The following CELSR3 variants were observed in gnomAD, a reference collection of about 807,000 sequenced individuals.
CELSR3 encodes the protein cadherin EGF LAG seven-pass G-type receptor 3, also known as EGF-like protein 1.
Under a neutral mutation model 270.0 loss-of-function variants are expected in CELSR3, and 73 were observed. The observed-to-expected ratio is 0.27, with a 90% CI of 0.22 to 0.33. The LOEUF is 0.33. Ranked by LOEUF, CELSR3 falls within the 10% of genes least tolerant of loss-of-function variation. CELSR3 has a pLI of 1.00. For synonymous variants in CELSR3, 1,780 were observed against 1,905.4 expected (o/e 0.93, Z 1.71); for missense variants, 3,614 against 4,533.8 (o/e 0.80, Z 5.83).
chr3:48,654,075 T>C lies in CELSR3; in HGVS notation c.5153-72A>G, dbSNP rs1019756534. The stretch of plus-strand genomic sequence containing the variant: ...GCACAAGTGCTGGACAGGACTTTAG[T>C]GTCCAGAGGGGCTGAAAGAGACCAA... On this transcript the variant is annotated intron_variant, in intron 7 of 34. Coordinates refer to ENST00000164024, the MANE Select transcript of CELSR3 (RefSeq NM_001407.3). The surrounding 1 kb of genome is among the most constrained non-coding windows in gnomAD (Gnocchi z 5.4). The C allele has an allele frequency of 6.3e-7, 1 of 1,578,268 alleles. No homozygotes were observed. The highest frequency in any genetic ancestry group is 1.4e-5 in the African/African-American group (1 of 73,840).
rs753528429 is a variant in CELSR3, at chr3:48,660,537, C to G, written c.2098G>C (p.Val700Leu). Residue 700 changes from valine to leucine, a missense_variant, in exon 1 of 35, where the codon GTG becomes CTG. Val to Leu is a conservative substitution (Grantham distance 32). Transcript: ENST00000164024. This position sits in a 1 kb window ranked among gnomAD's most constrained non-coding sequence, Gnocchi z 5.5. ...ACCCAGCCAGTGGCGCTGTTTATCA[C>G]AAAAGGAGTATCAGGTGCCACACCA... ...LTGVAPDTPF[V>L]INSATGWVSV... is the part of the protein sequence containing the mutation. The G allele has an allele frequency of 5.0e-6, 8 of 1,614,074 alleles. No individual in the cohort carries two copies. The Admixed American group carries it at 1.3e-4, about 27-fold the overall frequency.
At position 48,653,356 on chromosome 3, in the gene CELSR3, G is replaced by A. The variant is rs569658509; in HGVS notation, c.5449-169C>T. The stretch of plus-strand genomic sequence containing the variant: ...CAGGGGACATCATGTTGCTGATATG[G>A]GGTCAGGGGGCAGAGGATAGGACCA... On this transcript the variant is annotated intron_variant, in intron 9 of 34. Coordinates refer to ENST00000164024, the MANE Select transcript of CELSR3 (RefSeq NM_001407.3). The surrounding 1 kb of genome is among the most constrained non-coding windows in gnomAD (Gnocchi z 6.5). 5.9e-5 allele frequency among the ~76,000 whole-genome samples: 9 copies of A among 152,286 alleles called. No homozygotes were observed. In the East Asian group the frequency reaches 1.7e-3, roughly 29 times the overall value.
At position 48,653,586 on chromosome 3, in the gene CELSR3, C is replaced by CT; in HGVS notation, c.5448+32dup. On this transcript the variant is annotated intron_variant, in intron 9 of 34. Transcript: ENST00000164024. This position sits in a 1 kb window ranked among gnomAD's most constrained non-coding sequence, Gnocchi z 6.5. ...CAGTGGCGGCCTAAGAGACTGAGAA[C>CT]TGAGGGTATAGGGGTGAGCAGGGTG... 1 of 1,599,072 alleles carries CT rather than the reference C, an allele frequency of 6.3e-7. No individual in the cohort carries two copies. The highest frequency in any genetic ancestry group is 8.6e-7 in the Non-Finnish European group (1 of 1,169,136).
Position 48,645,605 on chromosome 3 carries a change from C to T in CELSR3, c.7635G>A (p.Val2545=), listed in dbSNP as rs1013302266. 1 of 1,611,978 alleles carries T rather than the reference C, an allele frequency of 6.2e-7. No homozygotes were observed. The highest frequency in any genetic ancestry group is 2.2e-5 in the East Asian group (1 of 44,864). Residue 2545 remains valine, a synonymous_variant, in exon 24 of 35, where the codon GTG becomes GTA. Coordinates refer to ENST00000164024, the MANE Select transcript of CELSR3 (RefSeq NM_001407.3). This position sits in a 1 kb window ranked among gnomAD's most constrained non-coding sequence, Gnocchi z 5.4. The part of the protein sequence containing the change: ...DLELLAVFTH[V]VVAVSVAALV... Reference sequence around the variant, plus strand: ...GCGCAGCCACAGACACAGCCACGACCACGTGGGTGAACACAGCCAGCAGCT... The same window carrying T: ...GCGCAGCCACAGACACAGCCACGACTACGTGGGTGAACACAGCCAGCAGCT...
rs1200187637 is a variant in CELSR3, at chr3:48,653,255, G to A, written c.5449-68C>T. On this transcript the variant is annotated intron_variant, in intron 9 of 34. Transcript: ENST00000164024. This position sits in a 1 kb window ranked among gnomAD's most constrained non-coding sequence, Gnocchi z 6.5. ...GGGCTGGGACTTGGAGGTGAGATCA[G>A]AGGGCTCAGAGGTCAGGAATATCAG... 1 of 1,413,982 alleles carries A rather than the reference G, an allele frequency of 7.1e-7. No homozygotes were observed. Among genetic ancestry groups the A allele is most frequent in the Non-Finnish European group, 9.8e-7 (1 of 1,016,342 alleles). 87.6% of individuals were successfully genotyped at this position (1,413,982 alleles called of 1,614,324 possible). A position where few individuals can be genotyped will look rare whatever the true frequency, so the allele number is the denominator to read the frequency against.
At position 48,644,196 on chromosome 3, in the gene CELSR3, C is replaced by T. The variant is rs761542012; in HGVS notation, c.8165+20G>A. On this transcript the variant is annotated intron_variant, in intron 27 of 34. Transcript: ENST00000164024. This position sits in a 1 kb window ranked among gnomAD's most constrained non-coding sequence, Gnocchi z 4.8. ...ACCTGCCATCCTGAGAAGCCCCCTT[C>T]CTCCAGCCAGCCAACTCACAGTGCA... is the stretch of plus-strand genomic sequence containing the variant. The T allele has an allele frequency of 1.3e-6, 2 of 1,597,732 alleles. No homozygotes were observed. The highest frequency in any genetic ancestry group is 4.5e-5 in the East Asian group (2 of 44,440).
At position 48,636,843 on chromosome 3, in the gene CELSR3, C is replaced by T. The variant is rs1245552164; in HGVS notation, c.*1362G>A. 1 of 152,220 alleles carries T rather than the reference C, an allele frequency of 6.6e-6. No individual in the cohort carries two copies. The highest frequency in any genetic ancestry group is 1.5e-5 in the Non-Finnish European group (1 of 68,060). The allele number at this position is 152,220 out of a possible 1,614,324, so 9.4% of individuals were successfully genotyped here. A position where few individuals can be genotyped will look rare whatever the true frequency, so the allele number is the denominator to read the frequency against. On this transcript the variant is annotated 3_prime_UTR_variant, in exon 35 of 35. Transcript: ENST00000164024. Reference sequence around the variant, plus strand: ...GTTAGAGGACGCCTACTCTCAAGGTCTTCTGGATCTGCTGTTAAACGGGAC... The same window carrying T: ...GTTAGAGGACGCCTACTCTCAAGGTTTTCTGGATCTGCTGTTAAACGGGAC...
At position 48,652,974 on chromosome 3, in the gene CELSR3, C is replaced by G; in HGVS notation, c.5634+28G>C. Reference sequence around the variant, plus strand: ...GCGGATCTGGTTGGAAGGCTGAGAACAGACTACCCCGGGGTCAGAGGCCAG... The same window carrying G: ...GCGGATCTGGTTGGAAGGCTGAGAAGAGACTACCCCGGGGTCAGAGGCCAG... On this transcript the variant is annotated intron_variant, in intron 10 of 34. Transcript: ENST00000164024. This position sits in a 1 kb window ranked among gnomAD's most constrained non-coding sequence, Gnocchi z 4.3. 6.2e-7 allele frequency: 1 copy of G among 1,602,894 alleles called. No individual in the cohort carries two copies. Among genetic ancestry groups the G allele is most frequent in the Non-Finnish European group, 8.5e-7 (1 of 1,172,278 alleles).
Position 48,655,239 on chromosome 3 carries a change from T to C in CELSR3, c.4831-38A>G. 1 of 1,613,894 alleles carries C rather than the reference T, an allele frequency of 6.2e-7. No individual in the cohort carries two copies. Among genetic ancestry groups the C allele is most frequent in the Non-Finnish European group, 8.5e-7 (1 of 1,179,892 alleles). On this transcript the variant is annotated intron_variant, in intron 5 of 34. Transcript: ENST00000164024. This position sits in a 1 kb window ranked among gnomAD's most constrained non-coding sequence, Gnocchi z 5.8. ...GCACACCAGTCAACAGTGCCCCCAG[T>C]AACCCCTGAGGAGCAGAAGTCAGCA...
Position 48,658,745 on chromosome 3 carries a change from A to G in CELSR3, c.3748+142T>C. On this transcript the variant is annotated intron_variant, in intron 1 of 34. Coordinates refer to ENST00000164024, the MANE Select transcript of CELSR3 (RefSeq NM_001407.3). The surrounding 1 kb of genome is among the most constrained non-coding windows in gnomAD (Gnocchi z 4.7). ...AGAGTCCTTGTGAGGTCTGTGGCAGATCTTGTAGGGTGCAGGAACCCTACC... is the reference window on the plus strand; with the variant it reads ...AGAGTCCTTGTGAGGTCTGTGGCAGGTCTTGTAGGGTGCAGGAACCCTACC... 1 of 943,456 alleles carries G rather than the reference A, an allele frequency of 1.1e-6. No individual in the cohort carries two copies. The highest frequency in any genetic ancestry group is 1.7e-5 in the African/African-American group (1 of 60,304). The allele number at this position is 943,456 out of a possible 1,614,324, so 58.4% of individuals were successfully genotyped here. A position where few individuals can be genotyped will look rare whatever the true frequency, so the allele number is the denominator to read the frequency against.
rs755642136 is a variant in CELSR3, at chr3:48,640,144, C to A, written c.9441G>T (p.Gly3147=). The A allele has an allele frequency of 6.2e-7, 1 of 1,612,474 alleles. No individual in the cohort carries two copies. Among genetic ancestry groups the A allele is most frequent in the Non-Finnish European group, 8.5e-7 (1 of 1,179,922 alleles). Residue 3147 remains glycine (G), a synonymous_variant, in exon 34 of 35, where the codon GGG becomes GGT. Coordinates refer to ENST00000164024, the MANE Select transcript of CELSR3 (RefSeq NM_001407.3). The surrounding 1 kb of genome is among the most constrained non-coding windows in gnomAD (Gnocchi z 7.5). The part of the protein sequence containing the change: ...RFGSRDALDL[G]APREWLSTLP... ...GCGTGCTCAACCACTCTCGAGGTGC[C>A]CCTAAGTCGAGCGCATCCCGTGACC... is the stretch of plus-strand genomic sequence containing the variant.
rs2106706995 is a variant in CELSR3 at position 48,647,880 on chromosome 3, G to A, written c.7090C>T (p.Leu2364=). 2 of 1,611,534 alleles carry A rather than the reference G, an allele frequency of 1.2e-6. No individual in the cohort carries two copies. The highest frequency in any genetic ancestry group is 2.2e-5 in the East Asian group (1 of 44,840). Residue 2364 remains leucine (L), a synonymous_variant, in exon 20 of 35, where the codon CTG becomes TTG. Coordinates refer to ENST00000164024, the MANE Select transcript of CELSR3 (RefSeq NM_001407.3). ...GGCCGTGGGGACTGGGAAGGCAGCA[G>A]CACATGGGTGTGAGGATCCCAGGCA... ...QDAWDPHTHV[L]LPSQSPRPSP...
Position 48,651,925 on chromosome 3 carries a change from C to A in CELSR3, c.5875G>T (p.Ala1959Ser), listed in dbSNP as rs139837673. 1 of 1,612,236 alleles carries A rather than the reference C, an allele frequency of 6.2e-7. No individual in the cohort carries two copies. The highest frequency in any genetic ancestry group is 1.1e-5 in the South Asian group (1 of 90,928). ...ACASGPCPPH[A>S]DCRDLWQTFS... ...GTCTGCCAGAGGTCCCGGCAGTCTG[C>A]GTGAGGTGGGCAGGGCCCAGAGGCA... Residue 1959 changes from alanine (A) to serine (S), a missense_variant, in exon 12 of 35, where the codon GCA becomes TCA. By Grantham distance (99) the Ala-to-Ser change is moderately conservative. Around this residue, in one of 7 missense-constraint regions of CELSR3, gnomAD observed 1,331 missense variants for 1,933.7 expected, o/e 0.69. Transcript: ENST00000164024. The surrounding 1 kb of genome is among the most constrained non-coding windows in gnomAD (Gnocchi z 7.4).
chr3:48,641,606 C>G lies in CELSR3; in HGVS notation c.8825-82G>C. ...CCCTGACCCTAATGACCCTTGAAAC[C>G]CTGGCTGTTCTCATTGAGCAGAGGT... is the stretch of plus-strand genomic sequence containing the variant. On this transcript the variant is annotated intron_variant, in intron 32 of 34. Transcript: ENST00000164024. The surrounding 1 kb of genome is among the most constrained non-coding windows in gnomAD (Gnocchi z 4.8). The G allele has an allele frequency of 9.2e-7, 1 of 1,092,364 alleles. No individual in the cohort carries two copies. Among genetic ancestry groups the G allele is most frequent in the South Asian group, 1.4e-5 (1 of 70,200 alleles). The allele number at this position is 1,092,364 out of a possible 1,614,324, so 67.7% of individuals were successfully genotyped here. A position where few individuals can be genotyped will look rare whatever the true frequency, so the allele number is the denominator to read the frequency against.
At position 48,651,260 on chromosome 3, in the gene CELSR3, A is replaced by C; in HGVS notation, c.6186+99T>G. 1.3e-6 allele frequency: 2 copies of C among 1,558,300 alleles called. No homozygotes were observed. Among genetic ancestry groups the C allele is most frequent in the Non-Finnish European group, 1.8e-6 (2 of 1,142,562 alleles). ...GCAACTTGGTCACAGGACACAGGCA[A>C]GAGGTTAGGGCCCAAGTCAGGTGGC... On this transcript the variant is annotated intron_variant, in intron 14 of 34. Transcript: ENST00000164024. This position sits in a 1 kb window ranked among gnomAD's most constrained non-coding sequence, Gnocchi z 7.4.
chr3:48,649,067 C>T (rs916688860), intron 17 of CELSR3, 54 bp downstream of exon 17: 2 of 1,557,422 alleles, frequency 1.3e-6, no homozygotes, highest in Non-Finnish European at 1.8e-6. Context: ...ATCTGGGGCC[C>T]ACCACAGGCC....
Position 48,650,958 on chromosome 3 carries a change from C to T in CELSR3, c.6304G>A (p.Ala2102Thr), listed in dbSNP as rs1221285290. The change falls in exon 15 of 35, where the codon GCC (alanine) becomes ACC (threonine). Residue 2102 changes from alanine to threonine, a missense_variant. Physicochemically the swap from Ala to Thr is moderately conservative, Grantham distance 58 (BLOSUM62 0). Transcript: ENST00000164024. The surrounding 1 kb of genome is among the most constrained non-coding windows in gnomAD (Gnocchi z 5.1). Reference sequence around the variant, plus strand: ...CAGCTGTTGCACTGGCGGCCAAGGGCTCCTGGGCGACAGGGGCACTGCCCG... The same window carrying T: ...CAGCTGTTGCACTGGCGGCCAAGGGTTCCTGGGCGACAGGGGCACTGCCCG... Reference protein sequence around the residue: ...HSGQCPCRPGALGRQCNSCDS... With the variant: ...HSGQCPCRPGTLGRQCNSCDS... The T allele has an allele frequency of 3.7e-6, 6 of 1,611,400 alleles. No individual in the cohort carries two copies. The South Asian group carries it at 4.4e-5, about 12-fold the overall frequency.
In CELSR3 at chr3:48,659,533, C is replaced by T; in HGVS notation, c.3102G>A (p.Glu1034=). 1 of 1,614,222 alleles carries T rather than the reference C, an allele frequency of 6.2e-7. No individual in the cohort carries two copies. The highest frequency in any genetic ancestry group is 8.5e-7 in the Non-Finnish European group (1 of 1,180,044). The change falls in exon 1 of 35, where the codon GAG becomes GAA. Residue 1034 remains glutamate, a synonymous_variant. Transcript: ENST00000164024. This position sits in a 1 kb window ranked among gnomAD's most constrained non-coding sequence, Gnocchi z 8.1. The part of the protein sequence containing the change: ...RLDREAVSVY[E]LTAYAVDRGV... The stretch of plus-strand genomic sequence containing the variant: ...CTCTGTCCACTGCGTAGGCAGTCAA[C>T]TCATACACTGATACTGCCTCCCGGT...
chr3:48,660,087 C>T lies in CELSR3; in HGVS notation c.2548G>A (p.Asp850Asn), dbSNP rs771411255. 6.2e-7 allele frequency: 1 copy of T among 1,614,186 alleles called. No homozygotes were observed. Among genetic ancestry groups the T allele is most frequent in the South Asian group, 1.1e-5 (1 of 91,086 alleles). Residue 850 changes from aspartate (D) to asparagine (N), a missense_variant, in exon 1 of 35, where the codon GAT (aspartate) becomes AAT (asparagine). By Grantham distance (23) the Asp-to-Asn change is conservative. Around this residue, in one of 7 missense-constraint regions of CELSR3, gnomAD observed 215 missense variants for 241.2 expected, o/e 0.89. Transcript: ENST00000164024. The surrounding 1 kb of genome is among the most constrained non-coding windows in gnomAD (Gnocchi z 5.5). ...AAGACCGGCCGATGAGTGTTGGCATCTGTGATGTTGATGTGCACATAGCAG... is the reference window on the plus strand; with the variant it reads ...AAGACCGGCCGATGAGTGTTGGCATTTGTGATGTTGATGTGCACATAGCAG... ...DHCYVHINITDANTHRPVFQS... is the reference protein window; with the variant it reads ...DHCYVHINITNANTHRPVFQS...
Sources: gnomAD v4.1 joint callset for allele counts (sites outside exome capture counted in the v4.1 genomes callset) on GRCh38, gnomAD v4.1.1 for gene constraint, gnomAD v4.1.1 regional missense constraint, Gnocchi (gnomAD v3.1) non-coding constraint, MANE v1.5 for transcripts, NCBI Gene and HGNC (gene_info 2026-07-23, HGNC 2026-07-21) for gene names.